The following SOD3 variants were observed in gnomAD, a reference collection of about 807,000 sequenced individuals.
SOD3 encodes extracellular superoxide dismutase [Cu-Zn].
A neutral mutation model predicts 2.6 loss-of-function variants in SOD3; 3 were observed. The ratio of observed to expected loss-of-function variants is 1.13; its 90% CI spans 0.52 to 2.93. The LOEUF (loss-of-function observed/expected upper bound fraction) is 2.93, where lower values mean the gene tolerates loss of function less well. SOD3 is among the 30% of genes most tolerant of loss of function. The pLI, the probability that SOD3 is intolerant of heterozygous loss-of-function variation, is 0.04. For synonymous variants in SOD3, 188 were observed against 177.5 expected, an observed-to-expected ratio of 1.06 and a Z score of -0.47; for missense variants, 379 against 370.4, an observed-to-expected ratio of 1.02 and a Z score of -0.19.
chr4:24,800,258 C>G lies in SOD3; in HGVS notation c.*14C>G. 3 of 1,382,430 alleles carry G rather than the reference C, an allele frequency of 2.2e-6. No homozygotes were observed. The highest frequency in any genetic ancestry group is 2.8e-6 in the Non-Finnish European group (3 of 1,071,884). 85.6% of individuals were successfully genotyped at this position (1,382,430 alleles called of 1,614,324 possible). On this transcript the variant is annotated 3_prime_UTR_variant, in exon 2 of 2. Coordinates refer to ENST00000382120, the MANE Select transcript of SOD3 (RefSeq NM_003102.4). ...AAGGCCGCCTGAGCGCGGCCCCCAC[C>G]CGGCGGCGGCCAGGGACCCCCGAGG... is the stretch of plus-strand genomic sequence containing the variant.
chr4:24,798,429 C>T (rs1047674105), intron 1 of SOD3, among the ~76,000 whole-genome samples: 12 of 152,118 alleles, frequency 7.9e-5, no homozygotes, highest in Non-Finnish European at 1.3e-4. Context: ...CAGTGCTGCC[C>T]GGTGTGTCTC....
chr4:24,799,332 G>T (rs955171758), intron 1 of SOD3, among the ~76,000 whole-genome samples, 174 bp from the exon 2 acceptor site: 11 of 152,202 alleles, frequency 7.2e-5, no homozygotes, highest in African/African-American at 2.2e-4. Context: ...CTAACACAGT[G>T]CCCGGCACAC....
At chr4:24,796,438 T>TTC (rs1713663763) in intron 1 of SOD3, among the ~76,000 whole-genome samples, 1 of 115,342 alleles carries the variant, frequency 8.7e-6, no homozygotes, top group Non-Finnish European at 1.8e-5. Flanking sequence ...TTCTTCTCTT[T>TTC]TTTTTTTTTT....
rs751757052 is a variant in SOD3 at position 24,799,594 on chromosome 4, G to T, written c.73G>T (p.Ala25Ser). 9 of 1,603,748 alleles carry T rather than the reference G, an allele frequency of 5.6e-6. No homozygotes were observed. The highest frequency in any genetic ancestry group is 7.6e-6 in the Non-Finnish European group (9 of 1,178,630). The stretch of plus-strand genomic sequence containing the variant: ...GGACGCCTGGACGGGCGAGGACTCG[G>T]CGGAGCCCAACTCTGACTCGGCGGA... ...ASDAWTGEDS[A>S]EPNSDSAEWI... The change falls in exon 2 of 2, where the codon GCG becomes TCG. Residue 25 changes from alanine to serine, a missense_variant. Ala to Ser is a moderately conservative substitution (Grantham distance 99, BLOSUM62 1). Coordinates refer to ENST00000382120, the MANE Select transcript of SOD3 (RefSeq NM_003102.4).
chr4:24,800,249 G>A lies in SOD3; in HGVS notation c.*5G>A. Reference sequence around the variant, plus strand: ...AGCGAGTGCAAGGCCGCCTGAGCGCGGCCCCCACCCGGCGGCGGCCAGGGA... The same window carrying A: ...AGCGAGTGCAAGGCCGCCTGAGCGCAGCCCCCACCCGGCGGCGGCCAGGGA... On this transcript the variant is annotated 3_prime_UTR_variant, in exon 2 of 2. Coordinates refer to ENST00000382120, the MANE Select transcript of SOD3 (RefSeq NM_003102.4). 16 of 1,387,304 alleles carry A rather than the reference G, an allele frequency of 1.2e-5. No homozygotes were observed. The highest frequency in any genetic ancestry group is 1.7e-5 in the South Asian group (1 of 58,858). The allele number at this position is 1,387,304 out of a possible 1,614,324, so 85.9% of individuals were successfully genotyped here.
chr4:24,799,860 C>A lies in SOD3; in HGVS notation c.339C>A (p.Ile113=). ...AGCCGAACAGCTCCAGCCGCGCCAT[C>A]CACGTGCACCAGTTCGGGGACCTGA... The part of the protein sequence containing the change: ...PTEPNSSSRA[I]HVHQFGDLSQ... The change falls in exon 2 of 2, where the codon ATC becomes ATA. Residue 113 remains isoleucine, a synonymous_variant. Transcript: ENST00000382120. 1 of 1,602,874 alleles carries A rather than the reference C, an allele frequency of 6.2e-7. No individual in the cohort carries two copies. Among genetic ancestry groups the A allele is most frequent in the Middle Eastern group, 1.7e-4 (1 of 6,056 alleles).
intron 1 of SOD3, among the ~76,000 whole-genome samples, chr4:24,798,302 C>A (rs1193769492): frequency 6.6e-6 from 1 of 152,104 alleles, no homozygotes; most frequent in Non-Finnish European, 1.5e-5. Context: ...TCAGGAGACT[C>A]CAGCTGAACT....
chr4:24,799,409 C>A, intron 1 of SOD3, 97 bp from the exon 2 acceptor site: 1 of 1,411,792 alleles, frequency 7.1e-7, no homozygotes, highest in Non-Finnish European at 9.5e-7. Flanking sequence ...CCACTGGGGA[C>A]TGGGGGGTTG....
Position 24,800,064 on chromosome 4 carries a change from C to T in SOD3, c.543C>T (p.His181=). 3 of 1,446,638 alleles carry T rather than the reference C, an allele frequency of 2.1e-6. No individual in the cohort carries two copies. Among genetic ancestry groups the T allele is most frequent in the East Asian group, 2.9e-5 (1 of 34,600 alleles). 89.6% of individuals were successfully genotyped at this position (1,446,638 alleles called of 1,614,324 possible). The change falls in exon 2 of 2, where the codon CAC becomes CAT. Residue 181 remains histidine, a synonymous_variant. Coordinates refer to ENST00000382120, the MANE Select transcript of SOD3 (RefSeq NM_003102.4). The part of the protein sequence containing the change: ...HSIVGRAVVV[H]AGEDDLGRGG... Reference sequence around the variant, plus strand: ...TCGTGGGCCGGGCCGTGGTCGTCCACGCTGGCGAGGACGACCTGGGCCGCG... The same window carrying T: ...TCGTGGGCCGGGCCGTGGTCGTCCATGCTGGCGAGGACGACCTGGGCCGCG...
Position 24,800,055 on chromosome 4 carries a change from G to C in SOD3, c.534G>C (p.Val178=). ...CGCACTCCATCGTGGGCCGGGCCGT[G>C]GTCGTCCACGCTGGCGAGGACGACC... ...AGPHSIVGRA[V]VVHAGEDDLG... is the part of the protein sequence containing the mutation. The change falls in exon 2 of 2, where the codon GTG becomes GTC. Residue 178 remains valine, a synonymous_variant. Transcript: ENST00000382120. 2.1e-6 allele frequency: 3 copies of C among 1,463,112 alleles called. No homozygotes were observed. The highest frequency in any genetic ancestry group is 1.8e-6 in the Non-Finnish European group (2 of 1,118,768). The allele number at this position is 1,463,112 out of a possible 1,614,324, so 90.6% of individuals were successfully genotyped here.
intron 1 of SOD3, among the ~76,000 whole-genome samples, chr4:24,796,377 T>C (rs1041715962): frequency 6.6e-6 from 1 of 151,314 alleles, no homozygotes; most frequent in Non-Finnish European, 1.5e-5. Context: ...AGTCAGAGTT[T>C]ACCTGGGTTT....
chr4:24,800,117 G>C lies in SOD3; in HGVS notation c.596G>C (p.Gly199Ala). ...GGCAACCAGGCCAGCGTGGAGAACG[G>C]GAACGCGGGCCGGCGGCTGGCCTGC... Reference protein sequence around the residue: ...RGGNQASVENGNAGRRLACCV... With the variant: ...RGGNQASVENANAGRRLACCV... Residue 199 changes from glycine (G) to alanine (A), a missense_variant, in exon 2 of 2, where the codon GGG (glycine) becomes GCG (alanine). Physicochemically the swap from Gly to Ala is moderately conservative, Grantham distance 60. Transcript: ENST00000382120. 1 of 1,379,860 alleles carries C rather than the reference G, an allele frequency of 7.2e-7. No individual in the cohort carries two copies. Among genetic ancestry groups the C allele is most frequent in the Non-Finnish European group, 9.3e-7 (1 of 1,077,426 alleles). 85.5% of individuals were successfully genotyped at this position (1,379,860 alleles called of 1,614,324 possible).
rs8192289 is a variant in SOD3 at position 24,798,794 on chromosome 4, T to A, written c.-16-712T>A. On this transcript the variant is annotated intron_variant, in intron 1 of 1. Coordinates refer to ENST00000382120, the MANE Select transcript of SOD3 (RefSeq NM_003102.4). ...GTCACCACCTCTGAGAAGCCTTCCC[T>A]GAGGCTCCTAGGGAGATGGGTACTG... 2.6e-5 allele frequency among the ~76,000 whole-genome samples: 4 copies of A among 152,272 alleles called. No homozygotes were observed. In the East Asian group the frequency reaches 7.7e-4, roughly 29 times the overall value.
At chr4:24,797,320 C>G (rs1319844075) in intron 1 of SOD3, among the ~76,000 whole-genome samples, 3 of 152,236 alleles carry the variant, frequency 2.0e-5, no homozygotes. Context: ...CTGCCTTCAG[C>G]TCCTTAGTGA....
Position 24,799,810 on chromosome 4 carries a change from T to G in SOD3, c.289T>G (p.Phe97Val). Reference sequence around the variant, plus strand: ...GCCCCGCGCCAAGCTCGACGCCTTCTTCGCCCTGGAGGGCTTCCCGACCGA... The same window carrying G: ...GCCCCGCGCCAAGCTCGACGCCTTCGTCGCCCTGGAGGGCTTCCCGACCGA... ...LAPRAKLDAF[F>V]ALEGFPTEPN... Residue 97 changes from phenylalanine (F) to valine (V), a missense_variant, in exon 2 of 2, where the codon TTC becomes GTC. By Grantham distance (50) the Phe-to-Val change is conservative. Transcript: ENST00000382120. 2 of 1,597,120 alleles carry G rather than the reference T, an allele frequency of 1.3e-6. No individual in the cohort carries two copies. Among genetic ancestry groups the G allele is most frequent in the Non-Finnish European group, 1.7e-6 (2 of 1,177,572 alleles).
Position 24,799,603 on chromosome 4 carries a change from A to G in SOD3, c.82A>G (p.Asn28Asp), listed in dbSNP as rs1342918641. 1 of 1,604,620 alleles carries G rather than the reference A, an allele frequency of 6.2e-7. No individual in the cohort carries two copies. The highest frequency in any genetic ancestry group is 1.7e-5 in the Admixed American group (1 of 59,720). The stretch of plus-strand genomic sequence containing the variant: ...GACGGGCGAGGACTCGGCGGAGCCC[A>G]ACTCTGACTCGGCGGAGTGGATCCG... Reference protein sequence around the residue: ...AWTGEDSAEPNSDSAEWIRDM... With the variant: ...AWTGEDSAEPDSDSAEWIRDM... The change falls in exon 2 of 2, where the codon AAC becomes GAC. Residue 28 changes from asparagine to aspartate, a missense_variant. Transcript: ENST00000382120.
In SOD3 at chr4:24,799,903, AC is replaced by A; in HGVS notation, c.384del (p.His131ThrfsTer202). ...GGACCTGAGCCAGGGCTGCGAGTCCACCGGGCCCCACTACAACCCGCTGGCC... is the reference window on the plus strand; with the variant it reads ...GGACCTGAGCCAGGGCTGCGAGTCCACGGGCCCCACTACAACCCGCTGGCC... ...FGDLSQGCES[T>X]GPHYNPLAVP... is the part of the protein sequence containing the mutation. On this transcript the variant is annotated frameshift_variant, in exon 2 of 2. Coordinates refer to ENST00000382120, the MANE Select transcript of SOD3 (RefSeq NM_003102.4). LOFTEE classifies it high-confidence loss of function. 1.9e-6 allele frequency: 3 copies of A among 1,600,546 alleles called. No homozygotes were observed. The highest frequency in any genetic ancestry group is 2.5e-6 in the Non-Finnish European group (3 of 1,178,748).
rs1216618138 is a variant in SOD3, at chr4:24,799,365, G to A, written c.-16-141G>A. ...CACAGCAGGCCCTAGACAAACGTTT[G>A]CCACATGAAGTCATGCCCACTGGGC... is the stretch of plus-strand genomic sequence containing the variant. On this transcript the variant is annotated intron_variant, in intron 1 of 1. Transcript: ENST00000382120. 3.1e-6 allele frequency: 3 copies of A among 955,620 alleles called. No homozygotes were observed. The Admixed American group carries it at 8.5e-5, about 27-fold the overall frequency. The allele number at this position is 955,620 out of a possible 1,614,324, so 59.2% of individuals were successfully genotyped here.
chr4:24,797,874 T>C, intron 1 of SOD3, among the ~76,000 whole-genome samples: 1 of 152,146 alleles, frequency 6.6e-6, no homozygotes, highest in Admixed American at 6.5e-5. Context: ...TGGAAATACC[T>C]CGGTGGCATG....
Sources: allele counts gnomAD v4.1 joint callset (sites outside exome capture counted in the v4.1 genomes callset), GRCh38; gene constraint gnomAD v4.1.1; transcripts MANE v1.5; gene names NCBI Gene and HGNC (gene_info 2026-07-23, HGNC 2026-07-21).